Variants in MYT1L observed in about 807,000 individuals in gnomAD.
MYT1L encodes the protein myelin transcription factor 1 like, also known as myelin transcription factor 1-like protein.
A neutral mutation model predicts 126.7 loss-of-function variants in MYT1L; 12 were observed. The ratio of observed to expected loss-of-function variants is 0.09; its 90% confidence interval spans 0.06 to 0.15. The LOEUF is 0.15. MYT1L is among the 10% of genes least tolerant of loss of function. The pLI, the probability that MYT1L is intolerant of heterozygous loss-of-function variation, is 1.00. For synonymous variants in MYT1L, 541 were observed against 604.2 expected (o/e 0.90, Z 1.53); for missense variants, 979 against 1,585.2 (o/e 0.62, Z 6.49).
chr2:2,027,369 G>A (rs1354579557), intron 4 of MYT1L, among the ~76,000 whole-genome samples: 4 of 152,148 alleles, frequency 2.6e-5, no homozygotes, highest in Non-Finnish European at 4.4e-5. Context: ...CAACAGCTGG[G>A]CCAGTCCATG....
intron 2 of MYT1L, among the ~76,000 whole-genome samples, chr2:2,272,693 C>T (rs1004771159): frequency 7.2e-5 from 11 of 152,184 alleles, no homozygotes; most frequent in African/African-American, 1.7e-4. Flanking sequence ...GAAAAGCAGG[C>T]GTCTTGGCTT....
intron 3 of MYT1L, among the ~76,000 whole-genome samples, chr2:2,147,347 C>T (rs73913215): frequency 2.0e-5 from 3 of 152,190 alleles, no homozygotes; most frequent in Non-Finnish European, 2.9e-5. Flanking sequence ...TGAGAGGGTG[C>T]GAGCACACAG....
chr2:1,925,632 G>C (rs1429866188), intron 9 of MYT1L, among the ~76,000 whole-genome samples: 1 of 152,182 alleles, frequency 6.6e-6, no homozygotes, highest in Admixed American at 6.5e-5. Flanking sequence ...GTGAAGCTGA[G>C]AGCAGCCAAG....
intron 3 of MYT1L, among the ~76,000 whole-genome samples, chr2:2,073,663 A>G (rs930560141): frequency 1.3e-5 from 2 of 152,262 alleles, no homozygotes; most frequent in South Asian, 2.1e-4. Flanking sequence ...GCCAGTGCGT[A>G]TCTTGGACGT....
intron 8 of MYT1L, among the ~76,000 whole-genome samples, chr2:1,965,233 A>G (rs2059254249): frequency 1.4e-5 from 1 of 71,220 alleles, no homozygotes; most frequent in Non-Finnish European, 2.5e-5. Context: ...GGACCCAGGC[A>G]CTCTGTGACT....
At chr2:2,118,326 A>G (rs912976374) in intron 3 of MYT1L, among the ~76,000 whole-genome samples, 1 of 152,204 alleles carries the variant, frequency 6.6e-6, no homozygotes, top group African/African-American at 2.4e-5. Flanking sequence ...ATATTAATCA[A>G]TAAAACAACT....
intron 2 of MYT1L, among the ~76,000 whole-genome samples, chr2:2,181,568 T>C (rs1371160903): frequency 6.6e-6 from 1 of 152,112 alleles, no homozygotes; most frequent in Non-Finnish European, 1.5e-5. Flanking sequence ...CAGCCACACA[T>C]TTCAACTAGA....
intron 2 of MYT1L, among the ~76,000 whole-genome samples, chr2:2,264,019 A>C (rs77764575): frequency 0.012 from 1,801 of 152,334 alleles, 23 homozygotes; most frequent in South Asian, 0.051. Context: ...TGTAATAATA[A>C]AAATCTTGCA....
In MYT1L at chr2:2,233,665, C is replaced by T. The variant is rs574980666; in HGVS notation, c.-421+50739G>A. 1.2e-4 allele frequency among the ~76,000 whole-genome samples: 18 copies of T among 152,264 alleles called. No individual in the cohort carries two copies. The South Asian group carries it at 1.2e-3, about 11-fold the overall frequency. On this transcript the variant is annotated intron_variant, in intron 2 of 24. Coordinates refer to ENST00000647738, the MANE Select transcript of MYT1L (RefSeq NM_001303052.2). ...TGTGAGTGTGGTTGTAACAAGAGAG[C>T]GGAACCAGCCATATCGGCACCATTG...
In MYT1L at chr2:2,105,244, C is replaced by T. The variant is rs550227201; in HGVS notation, c.-303-51121G>A. On this transcript the variant is annotated intron_variant, in intron 3 of 24. Transcript: ENST00000647738. ...ATGGATCCCCGGCAGCGTGGACACC[C>T]CCTCTCTGTGCTCCGTGGACCACAT... 1.3e-3 allele frequency among the ~76,000 whole-genome samples: 195 copies of T among 152,252 alleles called. 1 individual carries two copies. The highest frequency in any genetic ancestry group is 4.0e-3 in the African/African-American group (168 of 41,536).
At chr2:1,875,269 G>A (rs2046766870) in intron 18 of MYT1L, among the ~76,000 whole-genome samples, 1 of 152,110 alleles carries the variant, frequency 6.6e-6, no homozygotes, top group Admixed American at 6.5e-5. Context: ...CCTTTAGAGA[G>A]TCGCACATTG....
rs796540174 is a variant in MYT1L, at chr2:1,801,504, G to C, written c.3276+192C>G. On this transcript the variant is annotated intron_variant, in intron 23 of 24. Coordinates refer to ENST00000647738, the MANE Select transcript of MYT1L (RefSeq NM_001303052.2). The surrounding 1 kb of genome is among the most constrained non-coding windows in gnomAD (Gnocchi z 4.2). ...TGCAGACTGAAAACGAGAGAACCAC[G>C]GCCCCTGCTACAGCGAACACTGCCA... 1 of 493,280 alleles carries C rather than the reference G, an allele frequency of 2.0e-6. No individual in the cohort carries two copies. The highest frequency in any genetic ancestry group is 3.6e-6 in the Non-Finnish European group (1 of 280,606). The allele number at this position is 493,280 out of a possible 1,614,324, so 30.6% of individuals were successfully genotyped here. A position where few individuals can be genotyped will look rare whatever the true frequency, so the allele number is the denominator to read the frequency against.
chr2:2,271,151 C>T (rs563030386), intron 2 of MYT1L, among the ~76,000 whole-genome samples: 17 of 152,258 alleles, frequency 1.1e-4, no homozygotes, highest in African/African-American at 4.1e-4. Context: ...ACAAGTAACC[C>T]TTTTGTTTTT....
intron 2 of MYT1L, among the ~76,000 whole-genome samples, chr2:2,235,599 C>T (rs2094276698): frequency 1.3e-5 from 2 of 152,152 alleles, no homozygotes; most frequent in African/African-American, 2.4e-5. Flanking sequence ...TTCTTGGTTC[C>T]TCTGGCCCTC....
At chr2:2,245,288 C>T (rs890331884) in intron 2 of MYT1L, among the ~76,000 whole-genome samples, 3 of 151,898 alleles carry the variant, frequency 2.0e-5, no homozygotes, top group Admixed American at 6.6e-5. Context: ...TGTGCTGGGC[C>T]GACTGAGAGC....
intron 1 of MYT1L, among the ~76,000 whole-genome samples, chr2:2,287,266 G>C (rs192647286): frequency 6.6e-6 from 1 of 152,100 alleles, no homozygotes; most frequent in African/African-American, 2.4e-5. Flanking sequence ...AAAAAAAAAA[G>C]TATTTGAATC....
At chr2:2,131,316 C>G (rs1339413367) in intron 3 of MYT1L, among the ~76,000 whole-genome samples, 1 of 152,116 alleles carries the variant, frequency 6.6e-6, no homozygotes, top group Non-Finnish European at 1.5e-5. Flanking sequence ...AATCAAACAG[C>G]CTATGATACA....
intron 1 of MYT1L, among the ~76,000 whole-genome samples, chr2:2,317,463 T>C (rs575308610): frequency 6.6e-6 from 1 of 152,160 alleles, no homozygotes; most frequent in African/African-American, 2.4e-5. Flanking sequence ...ACTGCAATCA[T>C]TTGTTTCAAG....
intron 4 of MYT1L, among the ~76,000 whole-genome samples, chr2:2,006,573 A>T (rs80006858): frequency 0.018 from 2,710 of 151,422 alleles, 54 homozygotes; most frequent in South Asian, 0.092. Context: ...TTGAGCTTTT[A>T]TTTTTAATTT....
Sources: gnomAD v4.1 joint callset for allele counts (sites outside exome capture counted in the v4.1 genomes callset) on GRCh38, gnomAD v4.1.1 for gene constraint, Gnocchi (gnomAD v3.1) non-coding constraint, MANE v1.5 for transcripts, NCBI Gene and HGNC (gene_info 2026-07-23, HGNC 2026-07-21) for gene names.